Variants in MYRFL observed in about 807,000 individuals in gnomAD.
MYRFL encodes myelin regulatory factor like.
MYRFL carries 88 observed loss-of-function variants against 109.4 expected under a neutral mutation model. The ratio of observed to expected loss-of-function variants is 0.80; its 90% CI spans 0.68 to 0.96. MYRFL has a LOEUF of 0.96. MYRFL is among the 40% of genes least tolerant of loss of function. MYRFL has a pLI of 0.00. For synonymous variants in MYRFL, 324 were observed against 320.9 expected (o/e 1.01, Z -0.10); for missense variants, 957 against 954.9 (o/e 1.00, Z -0.03).
intron 2 of MYRFL, among the ~76,000 whole-genome samples, chr12:69,860,835 C>A (rs7136847): frequency 0.66 from 94,986 of 143,274 alleles, 31,732 homozygotes; most frequent in Non-Finnish European, 0.69. Flanking sequence ...GGTGTGCTGC[C>A]CCCATTAACT....
intron 19 of MYRFL, among the ~76,000 whole-genome samples, chr12:69,943,145 C>G (rs1245699469): frequency 6.6e-6 from 1 of 151,732 alleles, no homozygotes; most frequent in Non-Finnish European, 1.5e-5. Flanking sequence ...CCCCATCAAG[C>G]TACCAATGCC....
intron 1 of MYRFL, among the ~76,000 whole-genome samples, chr12:69,847,191 AAGGAAACTCACATTTCAAGGCC>A (rs1364891993): frequency 6.6e-6 from 1 of 152,140 alleles, no homozygotes; most frequent in Admixed American, 6.5e-5. Flanking sequence ...GAGGGCTCTG[AAGGAAACTCACATTTCAAGGCC>A]CTTTTGTTGT....
rs1955458956 is a variant in MYRFL, at chr12:69,936,172, CA to C, written c.1979del (p.Asn660IlefsTer29). ...LSLKDQDRRV[P>X]NLPPSNITSS... ...TTAAAAGATCAAGACCGACGTGTCC[CA>C]AATCTCCCTCCAAGGTGAGAGTTCA... On this transcript the variant is annotated frameshift_variant, in exon 17 of 25. Coordinates refer to ENST00000552032, the MANE Select transcript of MYRFL (RefSeq NM_182530.3). LOFTEE classifies it high-confidence loss of function. 2.7e-6 allele frequency: 4 copies of C among 1,455,432 alleles called. No individual in the cohort carries two copies. Among genetic ancestry groups the C allele is most frequent in the Non-Finnish European group, 3.6e-6 (4 of 1,097,742 alleles). 90.2% of individuals were successfully genotyped at this position (1,455,432 alleles called of 1,614,324 possible). A position where few individuals can be genotyped will look rare whatever the true frequency, so the allele number is the denominator to read the frequency against.
At chr12:69,891,559 CAA>C (rs1886804740) in intron 7 of MYRFL, among the ~76,000 whole-genome samples, 1 of 71,810 alleles carries the variant, frequency 1.4e-5, no homozygotes, top group African/African-American at 4.3e-5. Context: ...TGAAAGGTGT[CAA>C]TTTCTTTCTT....
intron 1 of MYRFL, among the ~76,000 whole-genome samples, chr12:69,842,091 G>T (rs1237538741): frequency 1.3e-5 from 2 of 152,142 alleles, no homozygotes; most frequent in African/African-American, 2.4e-5. Flanking sequence ...AACTACTATT[G>T]CTTCTTTGTG....
intron 21 of MYRFL, 51 bp downstream of exon 21, chr12:69,952,937 G>C: frequency 7.5e-7 from 1 of 1,332,452 alleles, no homozygotes; most frequent in Non-Finnish European, 1.0e-6. Flanking sequence ...TTTACCCATG[G>C]CTCTGGGTTT....
intron 19 of MYRFL, among the ~76,000 whole-genome samples, chr12:69,940,125 T>A (rs11177978): frequency 2.0e-5 from 3 of 151,878 alleles, no homozygotes; most frequent in Admixed American, 6.6e-5. Context: ...TGGAAAACAC[T>A]CTGCAGGATA....
intron 2 of MYRFL, 58 bp downstream of exon 2, chr12:69,855,428 A>C (rs1379629567): frequency 1.4e-6 from 1 of 694,946 alleles, no homozygotes; most frequent in East Asian, 2.7e-5. Flanking sequence ...AAATGATTAA[A>C]TGAGCTAAGA....
intron 1 of MYRFL, among the ~76,000 whole-genome samples, chr12:69,830,280 TATATATAGATA>T (rs1882550023): frequency 1.3e-5 from 2 of 151,372 alleles, no homozygotes; most frequent in South Asian, 4.1e-4. Flanking sequence ...TATAGATATC[TATATATAGATA>T]ATATATAGAG....
chr12:69,856,502 T>C (rs1490318130), intron 2 of MYRFL, among the ~76,000 whole-genome samples: 1 of 152,084 alleles, frequency 6.6e-6, no homozygotes, highest in Non-Finnish European at 1.5e-5. Flanking sequence ...GGTACCACTT[T>C]GTGTTGTTAG....
At chr12:69,899,033 A>G (rs1180422650) in intron 10 of MYRFL, among the ~76,000 whole-genome samples, 1 of 152,216 alleles carries the variant, frequency 6.6e-6, no homozygotes, top group Middle Eastern at 3.2e-3. Flanking sequence ...TTTACTCAGC[A>G]TAGTTTGGGT....
chr12:69,902,064 T>C (rs150969584), intron 10 of MYRFL, among the ~76,000 whole-genome samples: 139 of 152,128 alleles, frequency 9.1e-4, no homozygotes, highest in African/African-American at 3.2e-3. Context: ...TGGCTAATTT[T>C]TGTATTTTTA....
intron 8 of MYRFL, 109 bp downstream of exon 8, chr12:69,893,949 TA>T: frequency 3.7e-6 from 1 of 271,124 alleles, no homozygotes; most frequent in South Asian, 1.5e-4. Flanking sequence ...TTTGCTTATT[TA>T]AAATGAAACC....
At chr12:69,856,897 A>G (rs1884325937) in intron 2 of MYRFL, among the ~76,000 whole-genome samples, 1 of 151,894 alleles carries the variant, frequency 6.6e-6, no homozygotes, top group South Asian at 2.1e-4. Flanking sequence ...TTTAATTTTG[A>G]TGATGTCCAA....
chr12:69,939,176 G>A (rs1416339744), intron 19 of MYRFL, among the ~76,000 whole-genome samples: 1 of 152,246 alleles, frequency 6.6e-6, no homozygotes, highest in East Asian at 1.9e-4. Flanking sequence ...AGCTCGAACT[G>A]GGTGGAGCCC....
intron 10 of MYRFL, among the ~76,000 whole-genome samples, chr12:69,899,848 G>C (rs1403875931): frequency 2.0e-5 from 3 of 152,102 alleles, no homozygotes; most frequent in African/African-American, 7.2e-5. Flanking sequence ...AGTATAAATT[G>C]ACCAATTTAA....
At chr12:69,864,495 C>T (rs906006014) in intron 2 of MYRFL, among the ~76,000 whole-genome samples, 1 of 152,088 alleles carries the variant, frequency 6.6e-6, no homozygotes, top group Non-Finnish European at 1.5e-5. Flanking sequence ...GAGAGTGAAA[C>T]CAGGCCTGAA....
At chr12:69,950,357 C>G (rs140852469) in intron 19 of MYRFL, among the ~76,000 whole-genome samples, 130 of 152,192 alleles carry the variant, frequency 8.5e-4, no homozygotes, top group African/African-American at 3.1e-3. Context: ...GATGCTAGGC[C>G]GTGGTGCTAC....
chr12:69,854,867 AAC>A (rs1366131114), intron 1 of MYRFL, among the ~76,000 whole-genome samples: 6 of 152,208 alleles, frequency 3.9e-5, no homozygotes, highest in Admixed American at 6.5e-5. Context: ...TGCAAATAAA[AAC>A]AGTTTTGTCT....
Sources: allele counts gnomAD v4.1 joint callset (sites outside exome capture counted in the v4.1 genomes callset), GRCh38; gene constraint gnomAD v4.1.1; transcripts MANE v1.5; gene names NCBI Gene and HGNC (gene_info 2026-07-23, HGNC 2026-07-21).